BAHCC1: variants seen among roughly 807,000 people sequenced by gnomAD.
The protein encoded by BAHCC1 is BAH domain and coiled-coil containing 1, also known as BAH and coiled-coil domain-containing protein 1.
BAHCC1 carries 43 observed loss-of-function variants against 88.2 expected under a neutral mutation model. The ratio of observed to expected loss-of-function variants is 0.49; its 90% CI spans 0.38 to 0.63. BAHCC1 has a LOEUF of 0.63. BAHCC1 is among the 20% of genes least tolerant of loss of function. The probability of loss-of-function intolerance (pLI) is 0.00; values close to 1 mark genes in which losing one functional copy is unlikely to be tolerated. For missense variants in BAHCC1, 3,023 were observed against 1,654.8 expected, an observed-to-expected ratio of 1.83 and a Z score of -14.34; for synonymous variants, 1,510 against 745.5, an observed-to-expected ratio of 2.03 and a Z score of -16.71.
At chr17:81,436,294 C>T (rs538993974) in intron 3 of BAHCC1, among the ~76,000 whole-genome samples, 1 of 152,322 alleles carries the variant, frequency 6.6e-6, no homozygotes, top group African/African-American at 2.4e-5. Context: ...CTGAGGGACA[C>T]GCATAGCTGC....
At position 81,459,602 on chromosome 17, in the gene BAHCC1, G is replaced by A. The variant is rs371608192; in HGVS notation, c.5903G>A (p.Arg1968Gln). The stretch of plus-strand genomic sequence containing the variant: ...TGTCTGTACCCGGGCAACGTGGTCC[G>A]GGGTAAGTTGCACCCAAAGCGGGGG... The part of the protein sequence containing the change: ...SRCLYPGNVV[R>Q]GASGDEDEDL... Residue 1968 changes from arginine (R) to glutamine (Q), a missense_variant and splice_region_variant, in exon 23 of 28, where the codon CGG becomes CAG. Transcript: ENST00000675386. 1.3e-5 allele frequency: 10 copies of A among 779,492 alleles called. No individual in the cohort carries two copies. The highest frequency in any genetic ancestry group is 2.4e-5 in the East Asian group (1 of 41,254). The allele number at this position is 779,492 out of a possible 1,614,324, so 48.3% of individuals were successfully genotyped here.
At chr17:81,400,469 T>C (rs2063801469) in intron 2 of BAHCC1, among the ~76,000 whole-genome samples, 1 of 152,218 alleles carries the variant, frequency 6.6e-6, no homozygotes, top group Non-Finnish European at 1.5e-5. Flanking sequence ...AGAATGGGTT[T>C]GCAGGGATGC....
At chr17:81,455,188 C>T in intron 14 of BAHCC1, 79 bp from the exon 15 acceptor site, 1 of 677,518 alleles carries the variant, frequency 1.5e-6, no homozygotes, top group South Asian at 1.5e-5. Context: ...CAGTGTGACC[C>T]ACTACAGAGA....
intron 1 of BAHCC1, among the ~76,000 whole-genome samples, chr17:81,398,636 A>G (rs1326968261): frequency 1.2e-4 from 19 of 152,302 alleles, no homozygotes; most frequent in African/African-American, 3.4e-4. Context: ...CAAGCCCCCA[A>G]TCCGCAGAGG....
chr17:81,411,463 G>A lies in BAHCC1; in HGVS notation c.178+11546G>A, dbSNP rs2063949488. ...GGGAACAGGGTCCTTGAGGTCGTCA[G>A]CCAGCCCCACCCCTGCCTGCCTGCC... On this transcript the variant is annotated intron_variant, in intron 2 of 27. Coordinates refer to ENST00000675386, the MANE Select transcript of BAHCC1 (RefSeq NM_001377448.1). The surrounding 1 kb of genome is among the most constrained non-coding windows in gnomAD (Gnocchi z 6.2). 2.8e-6 allele frequency: 1 copy of A among 352,458 alleles called. No individual in the cohort carries two copies. Among genetic ancestry groups the A allele is most frequent in the Non-Finnish European group, 5.7e-6 (1 of 176,672 alleles). The allele number at this position is 352,458 out of a possible 1,614,324, so 21.8% of individuals were successfully genotyped here. A position where few individuals can be genotyped will look rare whatever the true frequency, so the allele number is the denominator to read the frequency against.
chr17:81,408,359 C>T (rs1555647232), intron 2 of BAHCC1, among the ~76,000 whole-genome samples: 1 of 152,044 alleles, frequency 6.6e-6, no homozygotes, highest in Non-Finnish European at 1.5e-5. Context: ...CTAGAGGTTC[C>T]TAGATGCTCG....
Position 81,462,943 on chromosome 17 carries a change from G to A in BAHCC1, c.7587G>A (p.Glu2529=), listed in dbSNP as rs1383052340. 1.3e-6 allele frequency: 1 copy of A among 781,818 alleles called. No individual in the cohort carries two copies. The highest frequency in any genetic ancestry group is 1.7e-5 in the African/African-American group (1 of 59,178). The allele number at this position is 781,818 out of a possible 1,614,324, so 48.4% of individuals were successfully genotyped here. The part of the protein sequence containing the change: ...VKVKWFYHPE[E]TKLGKRQCDG... ...TCAAGTGGTTCTACCACCCTGAGGA[G>A]ACCAAGCTGGGCAAGAGGCAGTGCG... is the stretch of plus-strand genomic sequence containing the variant. Residue 2529 remains glutamate (E), a synonymous_variant, in exon 27 of 28, where the codon GAG becomes GAA. Transcript: ENST00000675386.
chr17:81,436,299 A>G (rs551140627), intron 3 of BAHCC1, among the ~76,000 whole-genome samples: 122 of 152,292 alleles, frequency 8.0e-4, no homozygotes, highest in African/African-American at 2.9e-3. Context: ...GGACACGCAT[A>G]GCTGCCCACC....
intron 3 of BAHCC1, among the ~76,000 whole-genome samples, chr17:81,429,893 G>A (rs900379060): frequency 1.3e-5 from 2 of 152,128 alleles, no homozygotes; most frequent in Admixed American, 6.5e-5. Context: ...GCAGCCCCTC[G>A]AGCGGGCCAG....
At chr17:81,453,588 G>A (rs2064687334) in intron 14 of BAHCC1, among the ~76,000 whole-genome samples, 1 of 130,894 alleles carries the variant, frequency 7.6e-6, no homozygotes, top group African/African-American at 2.8e-5. Flanking sequence ...TCACCATATG[G>A]CTGCCCCCCC....
chr17:81,422,400 G>A (rs149437434), intron 2 of BAHCC1, among the ~76,000 whole-genome samples: 10 of 152,320 alleles, frequency 6.6e-5, no homozygotes, highest in Admixed American at 2.6e-4. Flanking sequence ...CAGGTGGCCC[G>A]TTTCCAGAAT....
chr17:81,409,868 C>T (rs2063927638), intron 2 of BAHCC1, among the ~76,000 whole-genome samples: 1 of 152,210 alleles, frequency 6.6e-6, no homozygotes, highest in African/African-American at 2.4e-5. Flanking sequence ...CTGCCTCAGG[C>T]CCTTCACATT....
rs371088882 is a variant in BAHCC1, at chr17:81,458,307, C to T, written c.5184C>T (p.Ala1728=). 46 of 750,652 alleles carry T rather than the reference C, an allele frequency of 6.1e-5. No individual in the cohort carries two copies. The African/African-American group carries it at 6.6e-4, about 11-fold the overall frequency. 46.5% of individuals were successfully genotyped at this position (750,652 alleles called of 1,614,324 possible). A position where few individuals can be genotyped will look rare whatever the true frequency, so the allele number is the denominator to read the frequency against. The change falls in exon 18 of 28, where the codon GCC becomes GCT. Residue 1728 remains alanine (A), a synonymous_variant. Transcript: ENST00000675386. ...GCAAGAAGAAAGCCAAGGGCAAGGC[C>T]AAGGGCAGCCTGCGGGCAGAGCCGG... ...ALGKKKAKGK[A]KGSLRAEPGA...
At chr17:81,422,880 G>A in intron 2 of BAHCC1, 1 of 339,466 alleles carries the variant, frequency 2.9e-6, no homozygotes, top group Non-Finnish European at 5.7e-6. Flanking sequence ...GCCTGGGCGA[G>A]GCAGCGGCAA....
intron 3 of BAHCC1, among the ~76,000 whole-genome samples, chr17:81,430,078 G>A (rs896515466): frequency 6.6e-6 from 1 of 152,188 alleles, no homozygotes; most frequent in African/African-American, 2.4e-5. Flanking sequence ...GGCTTGGGGT[G>A]GGGGCGGGAG....
intron 2 of BAHCC1, among the ~76,000 whole-genome samples, chr17:81,414,082 G>T (rs782280241): frequency 2.0e-5 from 3 of 152,192 alleles, no homozygotes; most frequent in Non-Finnish European, 4.4e-5. Context: ...TGAAGCTGTG[G>T]GGGTGCCTTC....
At position 81,461,694 on chromosome 17, in the gene BAHCC1, A is replaced by G. The variant is rs1555659494; in HGVS notation, c.7031A>G (p.Asp2344Gly). 5.5e-6 allele frequency: 4 copies of G among 720,808 alleles called. No individual in the cohort carries two copies. The Admixed American group carries it at 8.0e-5, about 14-fold the overall frequency. 44.7% of individuals were successfully genotyped at this position (720,808 alleles called of 1,614,324 possible). A position where few individuals can be genotyped will look rare whatever the true frequency, so the allele number is the denominator to read the frequency against. ...TSSLCSSDNE[D>G]SSYSSDDEDP... ...AGCCTCTGCTCCTCCGACAACGAGG[A>G]CTCGTCCTACAGCTCAGACGACGAG... The change falls in exon 26 of 28, where the codon GAC becomes GGC. Residue 2344 changes from aspartate (D) to glycine (G), a missense_variant. Physicochemically the swap from Asp to Gly is moderately conservative, Grantham distance 94. Coordinates refer to ENST00000675386, the MANE Select transcript of BAHCC1 (RefSeq NM_001377448.1).
Position 81,461,964 on chromosome 17 carries a change from C to A in BAHCC1, c.7301C>A (p.Pro2434Gln). Reference sequence around the variant, plus strand: ...AAAGAGCTCTCCCGGAGGCAGCGGCCGCCCTCCGTGGAAAACCGGCCAAAG... The same window carrying A: ...AAAGAGCTCTCCCGGAGGCAGCGGCAGCCCTCCGTGGAAAACCGGCCAAAG... ...KAKELSRRQR[P>Q]PSVENRPKIS... Residue 2434 changes from proline (P) to glutamine (Q), a missense_variant, in exon 26 of 28, where the codon CCG becomes CAG. Transcript: ENST00000675386. 1 of 772,706 alleles carries A rather than the reference C, an allele frequency of 1.3e-6. No individual in the cohort carries two copies. The allele number at this position is 772,706 out of a possible 1,614,324, so 47.9% of individuals were successfully genotyped here.
rs919997491 is a variant in BAHCC1, at chr17:81,462,920, A to G, written c.7564A>G (p.Lys2522Glu). ...SWGSNMVVKV[K>E]WFYHPEETKL... ...GGGCAGCAACATGGTGGTCAAGGTC[A>G]AGTGGTTCTACCACCCTGAGGAGAC... The change falls in exon 27 of 28, where the codon AAG (lysine) becomes GAG (glutamate). Residue 2522 changes from lysine to glutamate, a missense_variant. Lys to Glu is a moderately conservative substitution (Grantham distance 56). Coordinates refer to ENST00000675386, the MANE Select transcript of BAHCC1 (RefSeq NM_001377448.1). The G allele has an allele frequency of 1.3e-6, 1 of 785,004 alleles. No homozygotes were observed. The highest frequency in any genetic ancestry group is 2.4e-6 in the Non-Finnish European group (1 of 422,126). The allele number at this position is 785,004 out of a possible 1,614,324, so 48.6% of individuals were successfully genotyped here. A position where few individuals can be genotyped will look rare whatever the true frequency, so the allele number is the denominator to read the frequency against.
Sources: allele counts gnomAD v4.1 joint callset (sites outside exome capture counted in the v4.1 genomes callset), GRCh38; gene constraint gnomAD v4.1.1; non-coding constraint Gnocchi (gnomAD v3.1); transcripts MANE v1.5; gene names NCBI Gene and HGNC (gene_info 2026-07-23, HGNC 2026-07-21).